Variants in ZNF469 observed in about 807,000 individuals in gnomAD.
The protein encoded by ZNF469 is zinc finger protein 469.
ZNF469 carries 1 observed loss-of-function variant against 1.0 expected under a neutral mutation model. The ratio of observed to expected loss-of-function variants is 1.00; its 90% CI spans 0.35 to 4.73. The LOEUF (loss-of-function observed/expected upper bound fraction) is 4.73. Ranked by LOEUF, ZNF469 falls within the 30% of genes most tolerant of loss-of-function variation. The pLI, the probability that ZNF469 is intolerant of heterozygous loss-of-function variation, is 0.16. For missense variants in ZNF469, 6,100 were observed against 5,356.3 expected (o/e 1.14, Z -4.33); for synonymous variants, 2,703 against 2,363.4 (o/e 1.14, Z -4.17).
chr16:88,157,682 G>A, the ZNF469 span, among the ~76,000 whole-genome samples: 1 of 152,170 alleles, frequency 6.6e-6, no homozygotes, highest in Non-Finnish European at 1.5e-5. Flanking sequence ...TGTGGGGCTG[G>A]TGAAGAAATG....
chr16:88,417,816 C>A (rs995915727), intron 1 of ZNF469, among the ~76,000 whole-genome samples: 11 of 152,220 alleles, frequency 7.2e-5, no homozygotes, highest in African/African-American at 1.9e-4. Flanking sequence ...GGCCCCAAAG[C>A]CCCCCATGGC....
chr16:88,183,821 C>G, the ZNF469 span, among the ~76,000 whole-genome samples: 1 of 152,132 alleles, frequency 6.6e-6, no homozygotes, highest in African/African-American at 2.4e-5. Context: ...GGAGGGGGCG[C>G]ACGGTGAAAA....
chr16:88,421,647 C>T (rs1321366054), intron 1 of ZNF469, among the ~76,000 whole-genome samples: 4 of 152,200 alleles, frequency 2.6e-5, no homozygotes, highest in African/African-American at 9.7e-5. Flanking sequence ...GCAAGCTGGG[C>T]AGGCAGAGGC....
Position 88,424,977 on chromosome 16 carries a change from A to C in ZNF469, c.-127+106A>C, listed in dbSNP as rs1248276881. ...CCCGCCCGGCCTTCCTCTCCCTCTC[A>C]GGACAGTAACCGGGCCTGCCTACTG... On this transcript the variant is annotated intron_variant, in intron 2 of 2. Transcript: ENST00000565624. This position sits in a 1 kb window ranked among gnomAD's most constrained non-coding sequence, Gnocchi z 4.3. Among the ~76,000 whole-genome samples, 1 of 151,000 alleles carries C rather than the reference A, an allele frequency of 6.6e-6. No homozygotes were observed. Among genetic ancestry groups the C allele is most frequent in the East Asian group, 2.0e-4 (1 of 5,116 alleles).
At chr16:88,367,784 G>A in the ZNF469 span, among the ~76,000 whole-genome samples, 8 of 152,160 alleles carry the variant, frequency 5.3e-5, no homozygotes, top group Non-Finnish European at 8.8e-5. Flanking sequence ...CGGGCTCATG[G>A]CCCCATCTGG....
At chr16:88,106,465 T>G in the ZNF469 span, among the ~76,000 whole-genome samples, 1 of 152,224 alleles carries the variant, frequency 6.6e-6, no homozygotes, top group African/African-American at 2.4e-5. Flanking sequence ...TTTTGCAACC[T>G]CCTGCCTAAT....
the ZNF469 span, among the ~76,000 whole-genome samples, chr16:88,343,703 A>T: frequency 6.6e-6 from 1 of 152,014 alleles, no homozygotes; most frequent in African/African-American, 2.4e-5. Flanking sequence ...TCTCCTTCTT[A>T]TGAAGCCACT....
At chr16:88,271,240 A>C in the ZNF469 span, among the ~76,000 whole-genome samples, 2 of 148,976 alleles carry the variant, frequency 1.3e-5, no homozygotes, top group East Asian at 4.0e-4. Context: ...TGGTAATAAC[A>C]GACCCTGCGG....
chr16:88,407,517 AGG>A (rs1905055544), intron 1 of ZNF469, among the ~76,000 whole-genome samples: 2 of 152,212 alleles, frequency 1.3e-5, no homozygotes, highest in Non-Finnish European at 2.9e-5. Context: ...ACACCGAACG[AGG>A]CCGTGTGCAT....
rs1349950723 is a variant in ZNF469, at chr16:88,437,530, C to T, written c.10060C>T (p.Arg3354Cys). The T allele has an allele frequency of 1.9e-6, 3 of 1,542,290 alleles. No homozygotes were observed. Residue 3354 changes from arginine to cysteine, a missense_variant, in exon 3 of 3, where the codon CGC (arginine) becomes TGC (cysteine). Physicochemically the swap from Arg to Cys is radical, Grantham distance 180. Transcript: ENST00000565624. Reference protein sequence around the residue: ...KRFPKPFKLQRHLAVHSPQRV... With the variant: ...KRFPKPFKLQCHLAVHSPQRV... ...CTTCCCCAAGCCCTTCAAGCTGCAG[C>T]GCCACCTGGCGGTGCACAGCCCGCA...
the ZNF469 span, among the ~76,000 whole-genome samples, chr16:88,226,186 T>C: frequency 6.6e-6 from 1 of 152,084 alleles, no homozygotes; most frequent in African/African-American, 2.4e-5. Context: ...CCTGAGTCTT[T>C]TTGGACAGTT....
chr16:88,130,912 G>C, the ZNF469 span, among the ~76,000 whole-genome samples: 1 of 152,206 alleles, frequency 6.6e-6, no homozygotes, highest in Admixed American at 6.5e-5. Context: ...TGGCCGCGGG[G>C]TGTCGGCAGA....
At chr16:88,337,037 C>A in the ZNF469 span, among the ~76,000 whole-genome samples, 3 of 152,214 alleles carry the variant, frequency 2.0e-5, no homozygotes, top group African/African-American at 7.2e-5. Flanking sequence ...CACTCCTCTT[C>A]GTGGCTGAAA....
the ZNF469 span, among the ~76,000 whole-genome samples, chr16:88,130,628 C>T: frequency 6.6e-5 from 10 of 150,432 alleles, no homozygotes; most frequent in African/African-American, 2.4e-4. Context: ...ATCACTTGGA[C>T]CTGGGAGGCA....
At chr16:88,182,422 C>A in the ZNF469 span, among the ~76,000 whole-genome samples, 1 of 151,982 alleles carries the variant, frequency 6.6e-6, no homozygotes, top group Non-Finnish European at 1.5e-5. Flanking sequence ...AAATAACTCA[C>A]ACAACTTTGA....
chr16:88,411,705 C>T (rs1905173472), intron 1 of ZNF469, among the ~76,000 whole-genome samples: 2 of 152,274 alleles, frequency 1.3e-5, no homozygotes, highest in East Asian at 1.9e-4. Flanking sequence ...AGGGTGGATG[C>T]CAGCCCAAGT....
Position 88,437,502 on chromosome 16 carries a change from G to A in ZNF469, c.10032G>A (p.Lys3344=). ...CCCGCGACTGCCACCACTGCGGGAA[G>A]CGCTTCCCCAAGCCCTTCAAGCTGC... The part of the protein sequence containing the change: ...DPSRDCHHCG[K]RFPKPFKLQR... The change falls in exon 3 of 3, where the codon AAG becomes AAA. Residue 3344 remains lysine, a synonymous_variant. Transcript: ENST00000565624. The A allele has an allele frequency of 6.5e-7, 1 of 1,540,954 alleles. No homozygotes were observed.
the ZNF469 span, among the ~76,000 whole-genome samples, chr16:88,186,669 C>T: frequency 3.3e-5 from 5 of 152,186 alleles, no homozygotes; most frequent in Admixed American, 2.6e-4. Flanking sequence ...GATCGTGCGG[C>T]GGTCAAAGTC....
At chr16:88,134,185 C>T in the ZNF469 span, among the ~76,000 whole-genome samples, 2 of 152,228 alleles carry the variant, frequency 1.3e-5, no homozygotes, top group South Asian at 2.1e-4. Context: ...AATGTATTGT[C>T]ATCTAAATGG....
Sources: gnomAD v4.1 joint callset for allele counts (sites outside exome capture counted in the v4.1 genomes callset) on GRCh38, gnomAD v4.1.1 for gene constraint, Gnocchi (gnomAD v3.1) non-coding constraint, MANE v1.5 for transcripts, NCBI Gene and HGNC (gene_info 2026-07-23, HGNC 2026-07-21) for gene names.